Variants in EIF4G3 observed in about 807,000 individuals in gnomAD.
EIF4G3 encodes eIF-4-gamma 3.
A neutral mutation model predicts 186.4 loss-of-function variants in EIF4G3; 34 were observed. The observed-to-expected ratio is 0.18, with a 90% CI of 0.14 to 0.24. The LOEUF is 0.24. Among genes scored for constraint, EIF4G3 ranks in the 10% least tolerant of loss-of-function variants. The pLI is 1.00. For missense variants in EIF4G3, 1,536 were observed against 1,948.5 expected, an observed-to-expected ratio of 0.79 and a Z score of 3.99; for synonymous variants, 673 against 679.5, an observed-to-expected ratio of 0.99 and a Z score of 0.15.
intron 16 of EIF4G3, among the ~76,000 whole-genome samples, chr1:20,897,954 A>G (rs1211099317): frequency 6.6e-6 from 1 of 152,072 alleles, no homozygotes; most frequent in East Asian, 1.9e-4. Context: ...ATATAAAAAT[A>G]TAATTTGCAT....
At chr1:20,894,180 C>T (rs1462759576) in intron 17 of EIF4G3, among the ~76,000 whole-genome samples, 1 of 152,006 alleles carries the variant, frequency 6.6e-6, no homozygotes, top group Non-Finnish European at 1.5e-5. Flanking sequence ...AGATATCTGA[C>T]TTTGAATAAG....
At chr1:20,855,632 G>C (rs940510600) in intron 25 of EIF4G3, among the ~76,000 whole-genome samples, 1 of 152,154 alleles carries the variant, frequency 6.6e-6, no homozygotes, top group Non-Finnish European at 1.5e-5. Flanking sequence ...TACTACAAGT[G>C]AAATAAAATT....
At chr1:20,927,761 ATGTTC>A (rs2154560740) in intron 14 of EIF4G3, among the ~76,000 whole-genome samples, 1 of 152,334 alleles carries the variant, frequency 6.6e-6, no homozygotes, top group East Asian at 1.9e-4. Flanking sequence ...CAGATCCCTT[ATGTTC>A]TGATCATGAA....
In EIF4G3 at chr1:20,945,866, T is replaced by C. The variant is rs562422102; in HGVS notation, c.824-3536A>G. Among the ~76,000 whole-genome samples the C allele has an allele frequency of 2.6e-5, 4 of 152,314 alleles. No homozygotes were observed. In the East Asian group the frequency reaches 7.7e-4, roughly 29 times the overall value. ...CCAATTTGGTAACTTAAAAAAATGC[T>C]TAGTACTAACATATGTGCATAGGGG... On this transcript the variant is annotated intron_variant, in intron 13 of 36. Coordinates refer to ENST00000602326, the MANE Select transcript of EIF4G3 (RefSeq NM_001391906.1).
At chr1:20,993,013 T>A (rs561115409) in intron 7 of EIF4G3, among the ~76,000 whole-genome samples, 1 of 152,260 alleles carries the variant, frequency 6.6e-6, no homozygotes, top group South Asian at 2.1e-4. Context: ...AAGCCAAGAG[T>A]GTTTTGCATA....
intron 3 of EIF4G3, among the ~76,000 whole-genome samples, chr1:21,070,060 T>A (rs1483362518): frequency 6.6e-6 from 1 of 152,166 alleles, no homozygotes; most frequent in African/African-American, 2.4e-5. Context: ...AAAAATAAAT[T>A]TAAGACCACA....
chr1:20,839,691 T>C (rs2067888343), intron 30 of EIF4G3, among the ~76,000 whole-genome samples: 1 of 151,336 alleles, frequency 6.6e-6, no homozygotes, highest in African/African-American at 2.4e-5. Flanking sequence ...TGTTGGCATG[T>C]TGGCCGTGGC....
At chr1:20,993,490 A>G (rs2154568115) in intron 7 of EIF4G3, among the ~76,000 whole-genome samples, 1 of 152,220 alleles carries the variant, frequency 6.6e-6, no homozygotes, top group Non-Finnish European at 1.5e-5. Context: ...AAATAATTGT[A>G]TTTTTTCTTT....
intron 4 of EIF4G3, among the ~76,000 whole-genome samples, chr1:21,048,341 T>C (rs562540862): frequency 6.6e-6 from 1 of 152,314 alleles, no homozygotes; most frequent in East Asian, 1.9e-4. Context: ...ACTGTTTGCC[T>C]GTAATAAGAA....
At chr1:21,126,503 G>A (rs895505532) in intron 2 of EIF4G3, among the ~76,000 whole-genome samples, 3 of 151,944 alleles carry the variant, frequency 2.0e-5, no homozygotes, top group Admixed American at 6.6e-5. Context: ...TCTACAAAAA[G>A]TAAACAGCTA....
At chr1:21,023,945 CCACGACCCCA>C (rs2091479791) in intron 4 of EIF4G3, among the ~76,000 whole-genome samples, 2 of 81,592 alleles carry the variant, frequency 2.5e-5, no homozygotes, top group Non-Finnish European at 6.3e-5. Flanking sequence ...CTCTGCCCGG[CCACGACCCCA>C]TCTGGGAGGT....
chr1:21,175,935 T>C (rs1454362880), intron 2 of EIF4G3: 1 of 216,294 alleles, frequency 4.6e-6, no homozygotes, highest in Admixed American at 5.8e-5. Flanking sequence ...AGGAAGGGGC[T>C]GCAGAAGCAT....
chr1:21,123,016 A>C (rs991180490), intron 2 of EIF4G3, among the ~76,000 whole-genome samples: 2 of 152,160 alleles, frequency 1.3e-5, no homozygotes, highest in Non-Finnish European at 1.5e-5. Context: ...CCTCTGGAAA[A>C]CTGCTATACA....
At chr1:21,092,060 G>A (rs1278054642) in intron 2 of EIF4G3, among the ~76,000 whole-genome samples, 1 of 152,178 alleles carries the variant, frequency 6.6e-6, no homozygotes, top group East Asian at 1.9e-4. Context: ...GGGCATCCCT[G>A]TCTTGCGCCA....
intron 3 of EIF4G3, among the ~76,000 whole-genome samples, chr1:21,053,610 G>A (rs1268509756): frequency 7.9e-6 from 1 of 126,826 alleles, no homozygotes. Flanking sequence ...TCAGCCCCCC[G>A]CCCGGCCACC....
chr1:21,176,231 T>TGCC lies in EIF4G3; in HGVS notation c.-331_-329dup, dbSNP rs34197724. The TGCC allele has an allele frequency of 0.054, 18,717 of 344,584 alleles. 811 individuals carry two copies. The highest frequency in any genetic ancestry group is 0.15 in the East Asian group (3,042 of 20,252). The allele number at this position is 344,584 out of a possible 1,614,324, so 21.3% of individuals were successfully genotyped here. On this transcript the variant is annotated 5_prime_UTR_variant, in exon 2 of 37. Transcript: ENST00000602326. ...TGTTCGGGTGAGGAGGGGGGACCGCTGCCGCCGCCGCCGCCGCCGCCGCCG... is the reference window on the plus strand; with the variant it reads ...TGTTCGGGTGAGGAGGGGGGACCGCTGCCGCCGCCGCCGCCGCCGCCGCCGCCG...
chr1:21,041,490 T>G (rs1354710209), intron 4 of EIF4G3, among the ~76,000 whole-genome samples: 1 of 152,234 alleles, frequency 6.6e-6, no homozygotes, highest in Non-Finnish European at 1.5e-5. Context: ...TTACTAAGAC[T>G]ATGACAACTG....
intron 12 of EIF4G3, among the ~76,000 whole-genome samples, chr1:20,962,727 T>C (rs941705509): frequency 6.6e-6 from 1 of 152,126 alleles, no homozygotes; most frequent in African/African-American, 2.4e-5. Flanking sequence ...AGGCACAATT[T>C]ACAGGAGAGA....
intron 33 of EIF4G3, 73 bp from the exon 34 acceptor site, chr1:20,817,611 A>C (rs1440237818): frequency 2.0e-6 from 2 of 989,122 alleles, no homozygotes; most frequent in African/African-American, 3.3e-5. Context: ...AGAGAAGAAC[A>C]AAGTCATAGG....
Sources: allele counts gnomAD v4.1 joint callset (sites outside exome capture counted in the v4.1 genomes callset), GRCh38; gene constraint gnomAD v4.1.1; transcripts MANE v1.5; gene names NCBI Gene and HGNC (gene_info 2026-07-23, HGNC 2026-07-21).